The following CACNB4 variants were observed in gnomAD, a reference collection of about 807,000 sequenced individuals.
CACNB4 encodes voltage-dependent L-type calcium channel subunit beta-4.
A neutral mutation model predicts 71.2 loss-of-function variants in CACNB4; 32 were observed. The observed-to-expected ratio is 0.45, with a 90% CI of 0.34 to 0.60. The LOEUF is 0.60. Ranked by LOEUF, CACNB4 falls within the 20% of genes least tolerant of loss-of-function variation. The pLI is 0.01. For missense variants in CACNB4, 464 were observed against 647.9 expected (o/e 0.72, Z 3.08); for synonymous variants, 231 against 236.9 (o/e 0.97, Z 0.23).
intron 2 of CACNB4, among the ~76,000 whole-genome samples, chr2:152,093,759 C>T (rs4233655): frequency 0.99 from 151,279 of 152,320 alleles, 75,140 homozygotes; most frequent in Middle Eastern, 1. Flanking sequence ...TGTGTGAGGC[C>T]ACTCTGGACC....
intron 2 of CACNB4, among the ~76,000 whole-genome samples, chr2:152,091,927 C>T (rs906729674): frequency 2.0e-5 from 3 of 152,228 alleles, no homozygotes; most frequent in African/African-American, 7.2e-5. Context: ...TCAACTGATG[C>T]TATGGTTCTT....
intron 2 of CACNB4, among the ~76,000 whole-genome samples, chr2:151,958,290 G>A (rs2099868826): frequency 6.6e-6 from 1 of 152,174 alleles, no homozygotes; most frequent in African/African-American, 2.4e-5. Flanking sequence ...GGTATATGAG[G>A]ATAGGTACAG....
At chr2:151,989,641 C>T (rs971754974) in intron 2 of CACNB4, among the ~76,000 whole-genome samples, 3 of 152,182 alleles carry the variant, frequency 2.0e-5, no homozygotes, top group Non-Finnish European at 2.9e-5. Flanking sequence ...GCTTCAACTA[C>T]GTTCCATCTT....
intron 2 of CACNB4, among the ~76,000 whole-genome samples, chr2:151,986,314 C>T (rs1352952225): frequency 6.6e-6 from 1 of 152,184 alleles, no homozygotes; most frequent in Non-Finnish European, 1.5e-5. Flanking sequence ...AATATTTATA[C>T]AGTAGACAGA....
At chr2:152,014,721 A>G (rs1683248579) in intron 2 of CACNB4, among the ~76,000 whole-genome samples, 1 of 147,356 alleles carries the variant, frequency 6.8e-6, no homozygotes, top group Admixed American at 6.8e-5. Flanking sequence ...ACAGAGCGCA[A>G]CTCTGTCTCA....
At chr2:151,918,082 A>G (rs1233274374) in intron 2 of CACNB4, among the ~76,000 whole-genome samples, 1 of 152,210 alleles carries the variant, frequency 6.6e-6, no homozygotes, top group Non-Finnish European at 1.5e-5. Context: ...TGAGTTCCAC[A>G]TTAAGATACA....
chr2:152,044,025 G>T (rs541683605), intron 2 of CACNB4, among the ~76,000 whole-genome samples: 3 of 152,138 alleles, frequency 2.0e-5, no homozygotes, highest in African/African-American at 7.2e-5. Flanking sequence ...GGGCAACTCA[G>T]CAAGACCCTG....
chr2:151,997,261 G>A (rs1158231612), intron 2 of CACNB4, among the ~76,000 whole-genome samples: 2 of 152,272 alleles, frequency 1.3e-5, no homozygotes, highest in Non-Finnish European at 2.9e-5. Context: ...GGGGCCAGGC[G>A]CAGTGGCTCA....
intron 2 of CACNB4, among the ~76,000 whole-genome samples, chr2:152,040,634 G>C (rs1456985903): frequency 2.0e-5 from 3 of 152,114 alleles, no homozygotes; most frequent in African/African-American, 4.8e-5. Context: ...TAGAGACGAG[G>C]TTTCACCATG....
intron 2 of CACNB4, among the ~76,000 whole-genome samples, chr2:152,003,872 A>C (rs1348555513): frequency 1.3e-5 from 2 of 151,988 alleles, no homozygotes; most frequent in East Asian, 3.9e-4. Flanking sequence ...CCAAACAAAC[A>C]TGGTCTCTGT....
intron 2 of CACNB4, among the ~76,000 whole-genome samples, chr2:151,895,312 G>A (rs961151695): frequency 2.0e-5 from 3 of 151,948 alleles, no homozygotes; most frequent in African/African-American, 7.3e-5. Context: ...TGAAATAGAA[G>A]AGCATGTAGC....
At chr2:152,090,145 A>T (rs534385275) in intron 2 of CACNB4, among the ~76,000 whole-genome samples, 2 of 152,370 alleles carry the variant, frequency 1.3e-5, no homozygotes, top group East Asian at 3.9e-4. Flanking sequence ...CACCCAGAAA[A>T]GATGGGTCAG....
chr2:151,953,964 C>G (rs961839281), intron 2 of CACNB4, among the ~76,000 whole-genome samples: 18 of 152,184 alleles, frequency 1.2e-4, no homozygotes, highest in African/African-American at 4.3e-4. Context: ...ACAACAAATT[C>G]TATCTGTCTT....
At chr2:152,065,013 G>C (rs1186120258) in intron 2 of CACNB4, among the ~76,000 whole-genome samples, 4 of 152,112 alleles carry the variant, frequency 2.6e-5, no homozygotes, top group Admixed American at 6.6e-5. Context: ...GGCTCTTTAG[G>C]GCAAGGACTG....
chr2:151,989,819 T>C (rs1013750891), intron 2 of CACNB4, among the ~76,000 whole-genome samples: 1 of 152,132 alleles, frequency 6.6e-6, no homozygotes, highest in African/African-American at 2.4e-5. Flanking sequence ...GAAAATCAAG[T>C]CCTTATATTC....
chr2:152,012,472 C>T (rs1228049816), intron 2 of CACNB4, among the ~76,000 whole-genome samples: 1 of 151,886 alleles, frequency 6.6e-6, no homozygotes. Flanking sequence ...GGCGTGGCGG[C>T]GGGCACCTGT....
chr2:152,086,380 T>C (rs1445677364), intron 2 of CACNB4, among the ~76,000 whole-genome samples: 1 of 152,222 alleles, frequency 6.6e-6, no homozygotes, highest in Non-Finnish European at 1.5e-5. Context: ...GCAAAGAATG[T>C]TTGCAGCTGA....
chr2:151,962,735 C>T (rs12621320), intron 2 of CACNB4: 1 of 152,186 alleles, frequency 6.6e-6, no homozygotes, highest in Non-Finnish European at 1.5e-5. Flanking sequence ...TATTATCATT[C>T]TAATCCATCA....
chr2:151,838,923 T>C lies in CACNB4; in HGVS notation c.*196A>G. On this transcript the variant is annotated 3_prime_UTR_variant, in exon 14 of 14. Coordinates refer to ENST00000539935, the MANE Select transcript of CACNB4 (RefSeq NM_000726.5). The stretch of plus-strand genomic sequence containing the variant: ...AATGTTGCACTTAAAAATATCTATA[T>C]GATCGGGCATCTAATATCCATCTAG... 1 of 479,970 alleles carries C rather than the reference T, an allele frequency of 2.1e-6. No individual in the cohort carries two copies. The highest frequency in any genetic ancestry group is 3.7e-6 in the Non-Finnish European group (1 of 269,788). 29.7% of individuals were successfully genotyped at this position (479,970 alleles called of 1,614,324 possible).
Sources: gnomAD v4.1 joint callset for allele counts (sites outside exome capture counted in the v4.1 genomes callset) on GRCh38, gnomAD v4.1.1 for gene constraint, MANE v1.5 for transcripts, NCBI Gene and HGNC (gene_info 2026-07-23, HGNC 2026-07-21) for gene names.